C1orf167: variants seen among roughly 807,000 people sequenced by gnomAD.
C1orf167 encodes chromosome 1 open reading frame 167.
Under a neutral mutation model 176.5 loss-of-function variants are expected in C1orf167, and 153 were observed. The ratio of observed to expected loss-of-function variants is 0.87; its 90% confidence interval spans 0.76 to 0.99. The LOEUF is 0.99. Among genes scored for constraint, C1orf167 ranks in the 50% least tolerant of loss-of-function variants. The pLI is 0.00. For synonymous variants in C1orf167, 594 were observed against 752.7 expected (o/e 0.79, Z 3.45); for missense variants, 1,490 against 1,817.7 (o/e 0.82, Z 3.28).
At chr1:11,770,416 T>TG (rs1431306094) in intron 6 of C1orf167, among the ~76,000 whole-genome samples, 1 of 151,280 alleles carries the variant, frequency 6.6e-6, no homozygotes, top group East Asian at 1.9e-4. Flanking sequence ...TGCTTATCTC[T>TG]GGGACAGTGG....
intron 4 of C1orf167, 77 bp downstream of exon 4, chr1:11,767,341 C>G: frequency 8.5e-7 from 1 of 1,177,898 alleles, no homozygotes; most frequent in South Asian, 1.3e-5. Flanking sequence ...ATTTGCCTGT[C>G]CAAATGGAGA....
In C1orf167 at chr1:11,772,129, G is replaced by A. The variant is rs1643109380; in HGVS notation, c.1858G>A (p.Glu620Lys). 5 of 1,304,298 alleles carry A rather than the reference G, an allele frequency of 3.8e-6. No homozygotes were observed. The highest frequency in any genetic ancestry group is 5.1e-6 in the Non-Finnish European group (5 of 988,934). 80.8% of individuals were successfully genotyped at this position (1,304,298 alleles called of 1,614,324 possible). A position where few individuals can be genotyped will look rare whatever the true frequency, so the allele number is the denominator to read the frequency against. ...QQKKRARQERETLRKATRATQ... is the reference protein window; with the variant it reads ...QQKKRARQERKTLRKATRATQ... The stretch of plus-strand genomic sequence containing the variant: ...GAAGAAACGGGCCAGACAGGAGAGG[G>A]AGACTCTGCGGAAGGCCACCAGGGC... The change falls in exon 8 of 21, where the codon GAG (glutamate) becomes AAG (lysine). Residue 620 changes from glutamate (E) to lysine (K), a missense_variant. By Grantham distance (56) the Glu-to-Lys change is moderately conservative (BLOSUM62 1). Coordinates refer to ENST00000688073, the MANE Select transcript of C1orf167 (RefSeq NM_001010881.2).
chr1:11,789,316 G>C lies in C1orf167; in HGVS notation c.4220G>C (p.Arg1407Thr), dbSNP rs1362841867. 1.5e-6 allele frequency: 2 copies of C among 1,304,138 alleles called. No homozygotes were observed. The highest frequency in any genetic ancestry group is 2.0e-6 in the Non-Finnish European group (2 of 988,930). The allele number at this position is 1,304,138 out of a possible 1,614,324, so 80.8% of individuals were successfully genotyped here. A position where few individuals can be genotyped will look rare whatever the true frequency, so the allele number is the denominator to read the frequency against. ...CGCCTGGCAGCCAGGAGCCCAAGGA[G>C]AGGAGCTGCCAGTAGCCCAAGACCC... ...HQRLAARSPR[R>T]GAASSPRPWS... The change falls in exon 21 of 21, where the codon AGA (arginine) becomes ACA (threonine). Residue 1407 changes from arginine (R) to threonine (T), a missense_variant. Physicochemically the swap from Arg to Thr is moderately conservative, Grantham distance 71. Coordinates refer to ENST00000688073, the MANE Select transcript of C1orf167 (RefSeq NM_001010881.2).
In C1orf167 at chr1:11,766,964, C is replaced by T. The variant is rs1050328529; in HGVS notation, c.1178C>T (p.Ala393Val). Reference protein sequence around the residue: ...DPCSSAFSNTAWGVSPKQKGE... With the variant: ...DPCSSAFSNTVWGVSPKQKGE... ...TGTTCCTCAGCCTTCTCCAACACAGCCTGGGGAGTCTCACCCAAGCAGAAA... is the reference window on the plus strand; with the variant it reads ...TGTTCCTCAGCCTTCTCCAACACAGTCTGGGGAGTCTCACCCAAGCAGAAA... The change falls in exon 3 of 21, where the codon GCC becomes GTC. Residue 393 changes from alanine to valine, a missense_variant. By Grantham distance (64) the Ala-to-Val change is moderately conservative (BLOSUM62 0). Transcript: ENST00000688073. This position sits in a 1 kb window ranked among gnomAD's most constrained non-coding sequence, Gnocchi z 4.5. 2 of 1,208,220 alleles carry T rather than the reference C, an allele frequency of 1.7e-6. No individual in the cohort carries two copies. Among genetic ancestry groups the T allele is most frequent in the Admixed American group, 3.1e-5 (1 of 32,052 alleles). The allele number at this position is 1,208,220 out of a possible 1,614,324, so 74.8% of individuals were successfully genotyped here.
intron 4 of C1orf167, 117 bp from the exon 5 acceptor site, chr1:11,767,960 C>T (rs984765599): frequency 8.5e-6 from 6 of 704,522 alleles, no homozygotes; most frequent in South Asian, 5.5e-5. Context: ...CCTGTTGTGG[C>T]GTGGGTCATC....
Position 11,768,759 on chromosome 1 carries a change from G to A in C1orf167, c.1543-214G>A, listed in dbSNP as rs930215499. Among the ~76,000 whole-genome samples, 3 of 152,260 alleles carry A rather than the reference G, an allele frequency of 2.0e-5. No homozygotes were observed. Among genetic ancestry groups the A allele is most frequent in the South Asian group, 2.1e-4 (1 of 4,810 alleles). On this transcript the variant is annotated intron_variant, in intron 5 of 20. Coordinates refer to ENST00000688073, the MANE Select transcript of C1orf167 (RefSeq NM_001010881.2). This position sits in a 1 kb window ranked among gnomAD's most constrained non-coding sequence, Gnocchi z 4.5. ...CCAGTCGCAGCTTTCATCTTTTAAG[G>A]AAAGCGTTGCCTCTTGGGATGCATC...
chr1:11,781,441 G>A (rs1486059595), intron 13 of C1orf167, among the ~76,000 whole-genome samples: 1 of 152,162 alleles, frequency 6.6e-6, no homozygotes, highest in Non-Finnish European at 1.5e-5. Flanking sequence ...TGCTGTCTTG[G>A]AGGCTGCCCA....
intron 8 of C1orf167, among the ~76,000 whole-genome samples, chr1:11,774,552 G>A (rs1458530633): frequency 2.0e-5 from 3 of 152,182 alleles, no homozygotes; most frequent in African/African-American, 7.2e-5. Flanking sequence ...ATGAAGAGTT[G>A]CCTGGTGGAG....
chr1:11,787,681 C>T (rs1196524683), intron 17 of C1orf167, 188 bp downstream of exon 17: 1 of 941,784 alleles, frequency 1.1e-6, no homozygotes, highest in African/African-American at 1.7e-5. Flanking sequence ...TCCTGCCCCG[C>T]CCCTGTGATT....
At chr1:11,762,820 C>CA (rs987046046) in intron 1 of C1orf167, among the ~76,000 whole-genome samples, 5 of 151,978 alleles carry the variant, frequency 3.3e-5, no homozygotes, top group African/African-American at 7.2e-5. Flanking sequence ...AACAAACAAA[C>CA]AAAAAAAACC....
Position 11,775,534 on chromosome 1 carries a change from G to C in C1orf167, c.2088G>C (p.Gln696His), listed in dbSNP as rs758334214. The C allele has an allele frequency of 7.7e-7, 1 of 1,304,304 alleles. No individual in the cohort carries two copies. The highest frequency in any genetic ancestry group is 1.2e-5 in the South Asian group (1 of 81,036). The allele number at this position is 1,304,304 out of a possible 1,614,324, so 80.8% of individuals were successfully genotyped here. ...RTGTLRKCLE[Q>H]WVRMKQLRES... The stretch of plus-strand genomic sequence containing the variant: ...GGACCCTGAGGAAATGCCTGGAACA[G>C]TGGGTGCGGATGAAGCAGCTCCGGG... The change falls in exon 9 of 21, where the codon CAG (glutamine) becomes CAC (histidine). Residue 696 changes from glutamine (Q) to histidine (H), a missense_variant. Transcript: ENST00000688073.
Position 11,787,482 on chromosome 1 carries a change from C to A in C1orf167, c.3662C>A (p.Ala1221Asp). The A allele has an allele frequency of 7.7e-7, 1 of 1,302,490 alleles. No homozygotes were observed. Among genetic ancestry groups the A allele is most frequent in the Non-Finnish European group, 1.0e-6 (1 of 988,428 alleles). The allele number at this position is 1,302,490 out of a possible 1,614,324, so 80.7% of individuals were successfully genotyped here. Residue 1221 changes from alanine to aspartate, a missense_variant, in exon 17 of 21, where the codon GCC becomes GAC. Ala to Asp is a moderately radical substitution (Grantham distance 126, BLOSUM62 -2). Coordinates refer to ENST00000688073, the MANE Select transcript of C1orf167 (RefSeq NM_001010881.2). ...GGACGGAGGAAGCCAAGGGGAACGG[C>A]CTGGGCTCAGAGTAAGGAGACCTTG... ...LGGRRKPRGT[A>D]WAQRCREHSL... is the part of the protein sequence containing the mutation.
At position 11,778,530 on chromosome 1, in the gene C1orf167, G is replaced by C. The variant is rs571302608; in HGVS notation, c.2340-130G>C. 1.8e-4 allele frequency: 139 copies of C among 779,428 alleles called. No homozygotes were observed. In the African/African-American group the frequency reaches 2.3e-3, roughly 13 times the overall value. 48.3% of individuals were successfully genotyped at this position (779,428 alleles called of 1,614,324 possible). On this transcript the variant is annotated intron_variant, in intron 10 of 20. Transcript: ENST00000688073. Reference sequence around the variant, plus strand: ...CAGCAGCGTGGAACGCTAGCCCAGCGTCTGGCCTGTGGCGAGCACCCTTTC... The same window carrying C: ...CAGCAGCGTGGAACGCTAGCCCAGCCTCTGGCCTGTGGCGAGCACCCTTTC...
chr1:11,787,780 C>T lies in C1orf167; in HGVS notation c.3674-93C>T, dbSNP rs534035001. 7 of 1,175,346 alleles carry T rather than the reference C, an allele frequency of 6.0e-6. 1 individual carries two copies. In the East Asian group the frequency reaches 3.9e-4, roughly 65 times the overall value. 72.8% of individuals were successfully genotyped at this position (1,175,346 alleles called of 1,614,324 possible). On this transcript the variant is annotated intron_variant, in intron 17 of 20. Coordinates refer to ENST00000688073, the MANE Select transcript of C1orf167 (RefSeq NM_001010881.2). ...GGCTAAGCTCAGCACCTTCCTCCAC[C>T]CTCCTCACTGTACTCAACTCCTAGG...
At position 11,787,431 on chromosome 1, in the gene C1orf167, C is replaced by T. The variant is rs547557995; in HGVS notation, c.3611C>T (p.Ala1204Val). 25 of 1,303,294 alleles carry T rather than the reference C, an allele frequency of 1.9e-5. No individual in the cohort carries two copies. Among genetic ancestry groups the T allele is most frequent in the South Asian group, 7.4e-5 (6 of 80,956 alleles). 80.7% of individuals were successfully genotyped at this position (1,303,294 alleles called of 1,614,324 possible). A position where few individuals can be genotyped will look rare whatever the true frequency, so the allele number is the denominator to read the frequency against. ...WTQATELVPPAPSLQCSLGGR... is the reference protein window; with the variant it reads ...WTQATELVPPVPSLQCSLGGR... ...CAGGCCACAGAGCTGGTGCCTCCCG[C>T]GCCATCACTGCAGTGCAGCCTGGGT... Residue 1204 changes from alanine to valine, a missense_variant, in exon 17 of 21, where the codon GCG (alanine) becomes GTG (valine). Transcript: ENST00000688073.
chr1:11,783,815 C>G (rs1465796751), intron 14 of C1orf167, among the ~76,000 whole-genome samples: 1 of 152,132 alleles, frequency 6.6e-6, no homozygotes, highest in Non-Finnish European at 1.5e-5. Context: ...ACTTTTGACT[C>G]TGAGAACGAG....
At chr1:11,763,568 A>C (rs2100215223) in intron 1 of C1orf167, among the ~76,000 whole-genome samples, 1 of 152,318 alleles carries the variant, frequency 6.6e-6, no homozygotes, top group Non-Finnish European at 1.5e-5. Flanking sequence ...TTATTCACAT[A>C]ATAGACCACT....
rs1397325212 is a variant in C1orf167 at position 11,785,160 on chromosome 1, C to T, written c.3438C>T (p.Ala1146=). 1.5e-6 allele frequency: 2 copies of T among 1,291,264 alleles called. No individual in the cohort carries two copies. Among genetic ancestry groups the T allele is most frequent in the East Asian group, 1.1e-4 (2 of 17,990 alleles). 80.0% of individuals were successfully genotyped at this position (1,291,264 alleles called of 1,614,324 possible). A position where few individuals can be genotyped will look rare whatever the true frequency, so the allele number is the denominator to read the frequency against. Residue 1146 remains alanine, a synonymous_variant, in exon 16 of 21, where the codon GCC becomes GCT. Coordinates refer to ENST00000688073, the MANE Select transcript of C1orf167 (RefSeq NM_001010881.2). ...TCCTCTCCCGCAGGGTCCTAGAGGC[C>T]TCGGTGCAGTCGGCGGTGCGCGGCG... ...SWKPRAWVLE[A]SVQSAVRGGV... is the part of the protein sequence containing the mutation.
Position 11,779,867 on chromosome 1 carries a change from G to C in C1orf167, c.2717G>C (p.Arg906Pro). 2.3e-6 allele frequency: 3 copies of C among 1,303,304 alleles called. No homozygotes were observed. The South Asian group carries it at 3.7e-5, about 16-fold the overall frequency. The allele number at this position is 1,303,304 out of a possible 1,614,324, so 80.7% of individuals were successfully genotyped here. A position where few individuals can be genotyped will look rare whatever the true frequency, so the allele number is the denominator to read the frequency against. The change falls in exon 13 of 21, where the codon CGG (arginine) becomes CCG (proline). Residue 906 changes from arginine (R) to proline (P), a missense_variant. By Grantham distance (103) the Arg-to-Pro change is moderately radical. Coordinates refer to ENST00000688073, the MANE Select transcript of C1orf167 (RefSeq NM_001010881.2). ...QWAWRELASH[R>P]AWDRTCRAVL... ...GCCTGGAGAGAGCTGGCTTCCCACC[G>C]GGCCTGGGATCGGACCTGCAGGGCT... is the stretch of plus-strand genomic sequence containing the variant.
Sources: allele counts gnomAD v4.1 joint callset (sites outside exome capture counted in the v4.1 genomes callset), GRCh38; gene constraint gnomAD v4.1.1; non-coding constraint Gnocchi (gnomAD v3.1); transcripts MANE v1.5; gene names NCBI Gene and HGNC (gene_info 2026-07-23, HGNC 2026-07-21).